RBFOX1: variants seen among roughly 807,000 people sequenced by gnomAD.
RBFOX1 encodes the protein RNA binding protein fox-1 homolog 1.
RBFOX1 carries 8 observed loss-of-function variants against 57.7 expected under a neutral mutation model. That is an observed-to-expected ratio of 0.14 (90% CI 0.08 to 0.25). The LOEUF (loss-of-function observed/expected upper bound fraction) is 0.25. RBFOX1 is among the 10% of genes least tolerant of loss of function. The pLI is 1.00. For synonymous variants in RBFOX1, 326 were observed against 222.4 expected (o/e 1.47, Z -4.15); for missense variants, 611 against 548.5 (o/e 1.11, Z -1.14).
chr16:6,904,987 C>T (rs1349188904), intron 3 of RBFOX1, among the ~76,000 whole-genome samples: 2 of 152,152 alleles, frequency 1.3e-5, no homozygotes, highest in Non-Finnish European at 2.9e-5. Flanking sequence ...GCCAGTCTGT[C>T]AGAGGTGCTG....
At chr16:5,419,490 C>T (rs1397179185) in intron 1 of RBFOX1, among the ~76,000 whole-genome samples, 3 of 151,972 alleles carry the variant, frequency 2.0e-5, no homozygotes, top group Non-Finnish European at 4.4e-5. Flanking sequence ...GTCTGCCTTT[C>T]CCAGTCCACT....
chr16:7,564,704 G>T (rs1191537172), intron 5 of RBFOX1, among the ~76,000 whole-genome samples: 4 of 152,128 alleles, frequency 2.6e-5, no homozygotes, highest in African/African-American at 9.7e-5. Flanking sequence ...GTGGTATTTT[G>T]TTATAACAGC....
intron 4 of RBFOX1, among the ~76,000 whole-genome samples, chr16:5,931,200 A>T (rs777987508): frequency 1.3e-5 from 2 of 152,164 alleles, no homozygotes; most frequent in Non-Finnish European, 2.9e-5. Context: ...AACCACATCA[A>T]TCATCCTATT....
chr16:5,977,935 A>G (rs939114668), intron 4 of RBFOX1, among the ~76,000 whole-genome samples: 6 of 151,896 alleles, frequency 4.0e-5, no homozygotes, highest in South Asian at 2.1e-4. Context: ...TCGATATTCC[A>G]TGATATCCAG....
intron 3 of RBFOX1, among the ~76,000 whole-genome samples, chr16:6,773,201 TTG>T (rs1328286451): frequency 9.0e-5 from 6 of 66,584 alleles, no homozygotes; most frequent in Non-Finnish European, 1.8e-4. Flanking sequence ...TGGGGTGCAT[TTG>T]TGTGTGAGTG....
chr16:6,833,907 G>T (rs2141151863), intron 3 of RBFOX1, among the ~76,000 whole-genome samples: 1 of 152,164 alleles, frequency 6.6e-6, no homozygotes, highest in South Asian at 2.1e-4. Context: ...TGGCAAGGTT[G>T]ATCAATCCAC....
At chr16:5,980,988 A>T (rs1037335630) in intron 4 of RBFOX1, among the ~76,000 whole-genome samples, 2 of 152,076 alleles carry the variant, frequency 1.3e-5, no homozygotes, top group Non-Finnish European at 2.9e-5. Context: ...CGATCTGCAG[A>T]CCCACAGCCT....
chr16:6,070,174 A>G (rs545046192), intron 1 of RBFOX1, among the ~76,000 whole-genome samples: 3 of 152,350 alleles, frequency 2.0e-5, no homozygotes, highest in Admixed American at 2.0e-4. Flanking sequence ...TAAACTTTTC[A>G]GAAACAAAGC....
chr16:7,404,993 A>T (rs2098313809), intron 4 of RBFOX1, among the ~76,000 whole-genome samples: 1 of 152,158 alleles, frequency 6.6e-6, no homozygotes, highest in Admixed American at 6.5e-5. Flanking sequence ...CACAGCAGGA[A>T]AGATGCCTGC....
At chr16:7,001,818 G>A (rs1267125943) in intron 3 of RBFOX1, among the ~76,000 whole-genome samples, 1 of 152,086 alleles carries the variant, frequency 6.6e-6, no homozygotes, top group Non-Finnish European at 1.5e-5. Context: ...GAGATTTTGT[G>A]AACATCTTTA....
intron 4 of RBFOX1, among the ~76,000 whole-genome samples, chr16:7,174,558 A>T (rs755362921): frequency 7.2e-5 from 11 of 152,192 alleles, no homozygotes; most frequent in Non-Finnish European, 1.3e-4. Context: ...AGGCAGGCCA[A>T]TCACTTGAGG....
chr16:6,990,290 C>A (rs28437633), intron 3 of RBFOX1, among the ~76,000 whole-genome samples: 52 of 151,808 alleles, frequency 3.4e-4, no homozygotes, highest in African/African-American at 1.1e-3. Context: ...TTTGGGAGGC[C>A]GAGGCGGGTG....
At chr16:6,357,858 G>A (rs2087657842) in intron 2 of RBFOX1, among the ~76,000 whole-genome samples, 1 of 151,850 alleles carries the variant, frequency 6.6e-6, no homozygotes, top group Non-Finnish European at 1.5e-5. Flanking sequence ...GGCTGAGGTA[G>A]GAGAATTGCT....
At chr16:6,777,159 A>G (rs1365764003) in intron 3 of RBFOX1, among the ~76,000 whole-genome samples, 3 of 136,360 alleles carry the variant, frequency 2.2e-5, no homozygotes, top group African/African-American at 7.3e-5. Context: ...TTTTCCAGAT[A>G]TTTCTAGGGT....
At chr16:5,842,743 G>C (rs948163230) in intron 3 of RBFOX1, among the ~76,000 whole-genome samples, 1 of 152,062 alleles carries the variant, frequency 6.6e-6, no homozygotes, top group East Asian at 1.9e-4. Flanking sequence ...ATAATAACAA[G>C]GTGGGACTCC....
At chr16:6,255,012 T>G (rs1438551179) in intron 1 of RBFOX1, among the ~76,000 whole-genome samples, 1 of 152,102 alleles carries the variant, frequency 6.6e-6, no homozygotes, top group Non-Finnish European at 1.5e-5. Context: ...ATTCCTTCTC[T>G]TCTTCCTTCC....
intron 3 of RBFOX1, among the ~76,000 whole-genome samples, chr16:6,907,867 C>T (rs1596837976): frequency 6.6e-6 from 1 of 151,702 alleles, no homozygotes; most frequent in African/African-American, 2.4e-5. Context: ...AGCCCCCATG[C>T]CCGGCCAGCT....
At chr16:7,596,678 G>C (rs2094717481) in intron 8 of RBFOX1, among the ~76,000 whole-genome samples, 1 of 152,128 alleles carries the variant, frequency 6.6e-6, no homozygotes, top group Non-Finnish European at 1.5e-5. Flanking sequence ...CTGTAATTGA[G>C]TGTACGTTCT....
chr16:7,656,712 G>A (rs772212653), intron 12 of RBFOX1, among the ~76,000 whole-genome samples: 3 of 152,162 alleles, frequency 2.0e-5, no homozygotes, highest in African/African-American at 7.2e-5. Flanking sequence ...GTTGTGTGCT[G>A]AAGAGACAAA....
Sources: gnomAD v4.1 joint callset for allele counts (sites outside exome capture counted in the v4.1 genomes callset) on GRCh38, gnomAD v4.1.1 for gene constraint, MANE v1.5 for transcripts, NCBI Gene and HGNC (gene_info 2026-07-23, HGNC 2026-07-21) for gene names.